COL4A4: variants seen among roughly 807,000 people sequenced by gnomAD.
COL4A4 encodes collagen alpha-4(IV) chain.
In COL4A4, 105 loss-of-function variants were observed where a neutral mutation model predicts 192.9. The observed-to-expected ratio is 0.54, with a 90% CI of 0.46 to 0.64. The LOEUF (loss-of-function observed/expected upper bound fraction) is 0.64, where lower values mean the gene tolerates loss of function less well. Ranked by LOEUF, COL4A4 falls within the 30% of genes least tolerant of loss-of-function variation. The pLI is 0.00. For synonymous variants in COL4A4, 762 were observed against 769.9 expected (o/e 0.99, Z 0.17); for missense variants, 1,967 against 2,169.3 (o/e 0.91, Z 1.85).
Position 227,149,579 on chromosome 2 carries a change from T to C in COL4A4, c.-101-1995A>G, listed in dbSNP as rs1331740374. On this transcript the variant is annotated intron_variant, in intron 1 of 47. Transcript: ENST00000396625. ...GCACATCTCAATAAAAACAAATTCT[T>C]GTTTTGGAAGGAAAACGCAAATTTT... 2.0e-5 allele frequency among the ~76,000 whole-genome samples: 3 copies of C among 152,236 alleles called. No individual in the cohort carries two copies. In the East Asian group the frequency reaches 5.8e-4, roughly 29 times the overall value.
intron 1 of COL4A4, among the ~76,000 whole-genome samples, chr2:227,151,966 C>T (rs891695343): frequency 6.6e-6 from 1 of 152,160 alleles, no homozygotes; most frequent in Non-Finnish European, 1.5e-5. Context: ...TTGTAGCAGC[C>T]TGAATGAACT....
intron 41 of COL4A4, among the ~76,000 whole-genome samples, chr2:227,029,357 T>C (rs1328906807): frequency 1.3e-5 from 2 of 152,210 alleles, no homozygotes; most frequent in South Asian, 2.1e-4. Flanking sequence ...AGTTCAATCA[T>C]TGGAAGCCTA....
At chr2:227,050,339 G>A (rs953422183) in intron 33 of COL4A4, among the ~76,000 whole-genome samples, 2 of 152,082 alleles carry the variant, frequency 1.3e-5, no homozygotes, top group African/African-American at 4.8e-5. Flanking sequence ...GTTCTCAGTC[G>A]CAACTGGTAG....
At chr2:226,970,867 G>A in the COL4A4 span, among the ~76,000 whole-genome samples, 2 of 152,154 alleles carry the variant, frequency 1.3e-5, no homozygotes, top group Admixed American at 1.3e-4. Flanking sequence ...TGCCCATCAT[G>A]TGGGGACATT....
chr2:227,031,999 G>A lies in COL4A4; in HGVS notation c.3763C>T (p.Pro1255Ser). The A allele has an allele frequency of 6.2e-7, 1 of 1,614,048 alleles. No individual in the cohort carries two copies. Among genetic ancestry groups the A allele is most frequent in the Non-Finnish European group, 8.5e-7 (1 of 1,179,926 alleles). Reference sequence around the variant, plus strand: ...TGATCTCCAGGTGGACCCGGGTCAGGAATGTCCTTAGGAGCTCTTCCTGTG... The same window carrying A: ...TGATCTCCAGGTGGACCCGGGTCAGAAATGTCCTTAGGAGCTCTTCCTGTG... ...GATGRAPKDIPDPGPPGDQGP... is the reference protein window; with the variant it reads ...GATGRAPKDISDPGPPGDQGP... The change falls in exon 40 of 48, where the codon CCT (proline) becomes TCT (serine). Residue 1255 changes from proline to serine, a missense_variant. Physicochemically the swap from Pro to Ser is moderately conservative, Grantham distance 74. Coordinates refer to ENST00000396625, the MANE Select transcript of COL4A4 (RefSeq NM_000092.5).
chr2:227,040,301 A>G (rs1970516066), intron 37 of COL4A4, among the ~76,000 whole-genome samples: 1 of 152,174 alleles, frequency 6.6e-6, no homozygotes, highest in African/African-American at 2.4e-5. Context: ...GACTCTACCA[A>G]GTAAGCTGGA....
At chr2:226,978,502 C>T in the COL4A4 span, among the ~76,000 whole-genome samples, 6 of 152,144 alleles carry the variant, frequency 3.9e-5, no homozygotes, top group African/African-American at 1.4e-4. Context: ...AAACTGCCCA[C>T]CTACGTCGAG....
chr2:227,103,243 C>T, intron 13 of COL4A4, 46 bp from the exon 14 acceptor site: 1 of 1,380,054 alleles, frequency 7.2e-7, no homozygotes, highest in Non-Finnish European at 1.0e-6. Flanking sequence ...TATTATTTAA[C>T]ATACTGAATT....
At chr2:227,069,850 A>G (rs2058599180) in intron 25 of COL4A4, among the ~76,000 whole-genome samples, 3 of 151,794 alleles carry the variant, frequency 2.0e-5, no homozygotes, top group Admixed American at 2.0e-4. Flanking sequence ...AATGGCAACA[A>G]AAGACAAAAT....
rs533531474 is a variant in COL4A4, at chr2:227,066,889, A to G, written c.1988-4291T>C. 1.2e-4 allele frequency among the ~76,000 whole-genome samples: 18 copies of G among 151,722 alleles called. No homozygotes were observed. In the East Asian group the frequency reaches 2.7e-3, roughly 23 times the overall value. On this transcript the variant is annotated intron_variant, in intron 25 of 47. Transcript: ENST00000396625. ...CAATATTAACTTTAAATGTAAATGG[A>G]CTAAATGCTCCAATTAAAAGACACA...
At chr2:227,057,156 C>T (rs1189071816) in intron 29 of COL4A4, among the ~76,000 whole-genome samples, 1 of 152,178 alleles carries the variant, frequency 6.6e-6, no homozygotes, top group East Asian at 1.9e-4. Context: ...GAAAAGCAGG[C>T]TTTCTCACAG....
chr2:227,143,128 A>G (rs538409754), intron 3 of COL4A4, among the ~76,000 whole-genome samples: 1 of 152,190 alleles, frequency 6.6e-6, no homozygotes, highest in Admixed American at 6.5e-5. Context: ...GGATTGCTCT[A>G]TATTTTGCTG....
Position 227,098,750 on chromosome 2 carries a change from T to A in COL4A4, c.1148A>T (p.Asp383Val). 2 of 1,614,004 alleles carry A rather than the reference T, an allele frequency of 1.2e-6. No individual in the cohort carries two copies. The highest frequency in any genetic ancestry group is 8.5e-7 in the Non-Finnish European group (1 of 1,179,974). Residue 383 changes from aspartate to valine, a missense_variant, in exon 19 of 48, where the codon GAT becomes GTT. Asp to Val is a radical substitution (Grantham distance 152). Coordinates refer to ENST00000396625, the MANE Select transcript of COL4A4 (RefSeq NM_000092.5). Reference sequence around the variant, plus strand: ...ACCTGGGGGACCAGGTGGTCCAACATCCCCTGTTTCTCCATAGCGGCCAGG... The same window carrying A: ...ACCTGGGGGACCAGGTGGTCCAACAACCCCTGTTTCTCCATAGCGGCCAGG... ...GFPGRYGETGDVGPPGPPGLL... is the reference protein window; with the variant it reads ...GFPGRYGETGVVGPPGPPGLL...
intron 12 of COL4A4, among the ~76,000 whole-genome samples, chr2:227,107,222 A>G (rs1307607886): frequency 1.3e-5 from 2 of 152,120 alleles, no homozygotes; most frequent in Admixed American, 1.3e-4. Context: ...TCCCACAGGG[A>G]CATTTGGCAA....
At chr2:226,987,988 A>G in the COL4A4 span, among the ~76,000 whole-genome samples, 1 of 152,158 alleles carries the variant, frequency 6.6e-6, no homozygotes, top group South Asian at 2.1e-4. Context: ...TTCTGTGCAT[A>G]GGGCCAGGGC....
rs566552550 is a variant in COL4A4 at position 227,033,717 on chromosome 2, A to T, written c.3506-236T>A. ...ACAAACATTTCTTTGGTTTTAAAGT[A>T]CTGCTGTTGGTTTCTGATCCTATCG... On this transcript the variant is annotated intron_variant, in intron 37 of 47. Transcript: ENST00000396625. Among the ~76,000 whole-genome samples, 14 of 152,362 alleles carry T rather than the reference A, an allele frequency of 9.2e-5. No homozygotes were observed. In the East Asian group the frequency reaches 2.5e-3, roughly 27 times the overall value.
intron 4 of COL4A4, among the ~76,000 whole-genome samples, chr2:227,139,869 T>C (rs971907607): frequency 2.0e-5 from 3 of 152,172 alleles, no homozygotes; most frequent in Admixed American, 2.0e-4. Context: ...TATTTCAGGA[T>C]GGTGACCCAG....
intron 3 of COL4A4, among the ~76,000 whole-genome samples, chr2:227,142,601 A>C (rs2125324503): frequency 6.6e-6 from 1 of 152,038 alleles, no homozygotes; most frequent in Non-Finnish European, 1.5e-5. Context: ...TAAAAATAAC[A>C]AAAAAATTAG....
the COL4A4 span, among the ~76,000 whole-genome samples, chr2:226,967,771 G>A: frequency 4.6e-5 from 7 of 152,236 alleles, no homozygotes; most frequent in African/African-American, 1.7e-4. Flanking sequence ...TTGCAAATGT[G>A]TGTGTGAGAG....
Sources: gnomAD v4.1 joint callset for allele counts (sites outside exome capture counted in the v4.1 genomes callset) on GRCh38, gnomAD v4.1.1 for gene constraint, MANE v1.5 for transcripts, NCBI Gene and HGNC (gene_info 2026-07-23, HGNC 2026-07-21) for gene names.